Variants in EIF4A2 observed in about 807,000 individuals in gnomAD.
The protein encoded by EIF4A2 is eukaryotic initiation factor 4A-II.
In EIF4A2, 9 loss-of-function variants were observed where a neutral mutation model predicts 50.6. The ratio of observed to expected loss-of-function variants is 0.18; its 90% CI spans 0.11 to 0.31. EIF4A2 has a LOEUF of 0.31. EIF4A2 is among the 10% of genes least tolerant of loss of function. The probability of loss-of-function intolerance (pLI) is 1.00; values close to 1 mark genes in which losing one functional copy is unlikely to be tolerated. For missense variants in EIF4A2, 182 were observed against 501.8 expected, an observed-to-expected ratio of 0.36 and a Z score of 6.09; for synonymous variants, 215 against 164.4, an observed-to-expected ratio of 1.31 and a Z score of -2.35.
chr3:186,787,329 T>C (rs1410478400), intron 8 of EIF4A2, 65 bp downstream of exon 8: 1 of 1,613,500 alleles, frequency 6.2e-7, no homozygotes, highest in East Asian at 2.2e-5. Context: ...ATATAGCTGC[T>C]AAGTGCTGTG....
chr3:186,787,719 T>A, intron 9 of EIF4A2, 84 bp from the exon 10 acceptor site: 1 of 1,590,620 alleles, frequency 6.3e-7, no homozygotes, highest in South Asian at 1.1e-5. Context: ...TACCACTTAG[T>A]ATAGTTCGCT....
intron 10 of EIF4A2, chr3:186,788,470 C>A: frequency 8.2e-7 from 1 of 1,214,050 alleles, no homozygotes. Context: ...TTTTAAGTTG[C>A]TCCAGCTAAG....
chr3:186,786,489 T>G lies in EIF4A2; in HGVS notation c.628-13T>G. 6.2e-7 allele frequency: 1 copy of G among 1,610,076 alleles called. No individual in the cohort carries two copies. ...GTGTAAGTTGTGCTACAACATAATT[T>G]TCTCTTTTTAAGGTTGTGTTGCTTT... On this transcript the variant is annotated splice_polypyrimidine_tract_variant and intron_variant, in intron 6 of 10. Transcript: ENST00000323963.
In EIF4A2 at chr3:186,784,738, C is replaced by T. The variant is rs77070252; in HGVS notation, c.208+42C>T. 2,504 of 1,611,426 alleles carry T rather than the reference C, an allele frequency of 1.6e-3. 10 individuals carry two copies. Among genetic ancestry groups the T allele is most frequent in the African/African-American group, 0.015 (1,157 of 75,016 alleles). On this transcript the variant is annotated intron_variant, in intron 3 of 10. Coordinates refer to ENST00000323963, the MANE Select transcript of EIF4A2 (RefSeq NM_001967.4). ...TTTTTAGGAAATTGTTCTACATAGACATGAACCATAAAAGGGAAAGTAACC... is the reference window on the plus strand; with the variant it reads ...TTTTTAGGAAATTGTTCTACATAGATATGAACCATAAAAGGGAAAGTAACC...
At chr3:186,788,039 A>C in intron 10 of EIF4A2, 157 bp downstream of exon 10, 1 of 858,870 alleles carries the variant, frequency 1.2e-6, no homozygotes, top group South Asian at 1.8e-5. Flanking sequence ...AAGGTTGATG[A>C]GAACAAAGTG....
intron 1 of EIF4A2, 45 bp from the exon 2 acceptor site, chr3:186,784,387 A>C (rs1560083423): frequency 3.1e-6 from 5 of 1,613,926 alleles, no homozygotes; most frequent in South Asian, 2.2e-5. Context: ...GGTGCAGTTG[A>C]GGTGGCCTGG....
chr3:186,787,002 T>G, intron 7 of EIF4A2, 125 bp from the exon 8 acceptor site: 1 of 1,387,494 alleles, frequency 7.2e-7, no homozygotes, highest in East Asian at 2.3e-5. Flanking sequence ...CTCTGGGCTC[T>G]AAGTGCTAGG....
intron 4 of EIF4A2, chr3:186,785,427 T>C (rs1721635541): frequency 1.3e-5 from 5 of 374,242 alleles, no homozygotes; most frequent in South Asian, 1.1e-4. Context: ...TAGTTCGTGA[T>C]GCATCTGTTG....
In EIF4A2 at chr3:186,783,646, A is replaced by C. The variant is rs772220517; in HGVS notation, c.29+7A>C. On this transcript the variant is annotated splice_region_variant and intron_variant, in intron 1 of 10. Transcript: ENST00000323963. ...GCTCCGCGGATTATAACAGGTATGC[A>C]GTCTGTTGGCGGTCGCGGTCTGTAG... The C allele has an allele frequency of 6.2e-7, 1 of 1,614,152 alleles. No individual in the cohort carries two copies. The highest frequency in any genetic ancestry group is 1.1e-5 in the South Asian group (1 of 91,086).
chr3:186,785,993 A>T lies in EIF4A2; in HGVS notation c.459A>T (p.Pro153=), dbSNP rs1275543209. 1 of 1,613,456 alleles carries T rather than the reference A, an allele frequency of 6.2e-7. No homozygotes were observed. Among genetic ancestry groups the T allele is most frequent in the Non-Finnish European group, 8.5e-7 (1 of 1,179,362 alleles). ...TGCAAAAACTGCAGGCTGAAGCACCACATATTGTTGTTGGTACACCCGGGA... is the reference window on the plus strand; with the variant it reads ...TGCAAAAACTGCAGGCTGAAGCACCTCATATTGTTGTTGGTACACCCGGGA... ...NEMQKLQAEA[P]HIVVGTPGRV... Residue 153 remains proline (P), a synonymous_variant, in exon 5 of 11, where the codon CCA becomes CCT. Coordinates refer to ENST00000323963, the MANE Select transcript of EIF4A2 (RefSeq NM_001967.4).
At position 186,784,955 on chromosome 3, in the gene EIF4A2, T is replaced by G. The variant is rs1721607862; in HGVS notation, c.209-7T>G. 6.2e-7 allele frequency: 1 copy of G among 1,614,082 alleles called. No homozygotes were observed. Among genetic ancestry groups the G allele is most frequent in the Non-Finnish European group, 8.5e-7 (1 of 1,180,042 alleles). On this transcript the variant is annotated splice_polypyrimidine_tract_variant and splice_region_variant and intron_variant, in intron 3 of 10. Transcript: ENST00000323963. ...GGATCGGTAAATGTGTATCCTACTTTTTTTAGGGTATGATGTGATTGCTCA... is the reference window on the plus strand; with the variant it reads ...GGATCGGTAAATGTGTATCCTACTTGTTTTAGGGTATGATGTGATTGCTCA...
chr3:186,787,771 A>G (rs1721830994), intron 9 of EIF4A2, 32 bp from the exon 10 acceptor site: 2 of 1,613,940 alleles, frequency 1.2e-6, no homozygotes, highest in Admixed American at 3.3e-5. Context: ...GTTTTTTTGA[A>G]TCAATTTTTA....
chr3:186,784,080 A>G (rs918178217), intron 1 of EIF4A2: 10 of 463,906 alleles, frequency 2.2e-5, no homozygotes, highest in African/African-American at 5.9e-5. Flanking sequence ...GCGACGGGAC[A>G]GGACCGGTGC....
In EIF4A2 at chr3:186,789,760, A is replaced by AGTGCT; in HGVS notation, c.*492_*496dup. The AGTGCT allele has an allele frequency of 2.0e-6, 1 of 494,026 alleles. No homozygotes were observed. The highest frequency in any genetic ancestry group is 3.1e-5 in the South Asian group (1 of 32,010). 30.6% of individuals were successfully genotyped at this position (494,026 alleles called of 1,614,324 possible). A position where few individuals can be genotyped will look rare whatever the true frequency, so the allele number is the denominator to read the frequency against. On this transcript the variant is annotated 3_prime_UTR_variant, in exon 11 of 11. Coordinates refer to ENST00000323963, the MANE Select transcript of EIF4A2 (RefSeq NM_001967.4). ...TATTTATTCAATAAAGTATTTAATT[A>AGTGCT]GTGCTAAGTGTGAACTGGACCCTGT... is the stretch of plus-strand genomic sequence containing the variant.
rs145430557 is a variant in EIF4A2 at position 186,783,609 on chromosome 3, T to A, written c.-2T>A. The A allele has an allele frequency of 2.7e-5, 43 of 1,613,972 alleles. No homozygotes were observed. Among genetic ancestry groups the A allele is most frequent in the Middle Eastern group, 1.6e-4 (1 of 6,084 alleles). On this transcript the variant is annotated 5_prime_UTR_variant, in exon 1 of 11. Coordinates refer to ENST00000323963, the MANE Select transcript of EIF4A2 (RefSeq NM_001967.4). Reference sequence around the variant, plus strand: ...GTCGGGCGCTGAGTGGTTTTTCGGATCATGTCTGGTGGCTCCGCGGATTAT... The same window carrying A: ...GTCGGGCGCTGAGTGGTTTTTCGGAACATGTCTGGTGGCTCCGCGGATTAT...
rs1722006650 is a variant in EIF4A2, at chr3:186,789,779, A to G, written c.*510A>G. On this transcript the variant is annotated 3_prime_UTR_variant, in exon 11 of 11. Coordinates refer to ENST00000323963, the MANE Select transcript of EIF4A2 (RefSeq NM_001967.4). ...TTAATTAGTGCTAAGTGTGAACTGG[A>G]CCCTGTTGCTAAGCCCCAGCAAGCA... 3.5e-6 allele frequency: 2 copies of G among 566,908 alleles called. No homozygotes were observed. Among genetic ancestry groups the G allele is most frequent in the South Asian group, 2.2e-5 (1 of 44,698 alleles). The allele number at this position is 566,908 out of a possible 1,614,324, so 35.1% of individuals were successfully genotyped here.
chr3:186,787,316 A>G (rs375043979), intron 8 of EIF4A2, 52 bp downstream of exon 8: 6 of 1,613,880 alleles, frequency 3.7e-6, no homozygotes, highest in Non-Finnish European at 5.1e-6. Context: ...GATTCAGACT[A>G]CAATATAGCT....
intron 4 of EIF4A2, chr3:186,785,321 C>T (rs1424430902): frequency 1.6e-6 from 1 of 619,058 alleles, no homozygotes; most frequent in East Asian, 2.9e-5. Context: ...CCGAAGCGCT[C>T]TCTTGGATGT....
chr3:186,786,142 A>AG (rs1560084800), intron 5 of EIF4A2, 22 bp from the exon 6 acceptor site: 1 of 1,611,166 alleles, frequency 6.2e-7, no homozygotes. Context: ...TAGAAATGAC[A>AG]GTATGACTTT....
Sources: gnomAD v4.1 joint callset for allele counts on GRCh38, gnomAD v4.1.1 for gene constraint, MANE v1.5 for transcripts, NCBI Gene and HGNC (gene_info 2026-07-23, HGNC 2026-07-21) for gene names.